Variants in CTNNA3 observed in about 807,000 individuals in gnomAD.
CTNNA3 encodes the protein catenin alpha 3.
Under a neutral mutation model 95.7 loss-of-function variants are expected in CTNNA3, and 76 were observed. The ratio of observed to expected loss-of-function variants is 0.79; its 90% CI spans 0.66 to 0.96. The LOEUF (loss-of-function observed/expected upper bound fraction) is 0.96. Among genes scored for constraint, CTNNA3 ranks in the 40% least tolerant of loss-of-function variants. The pLI, the probability that CTNNA3 is intolerant of heterozygous loss-of-function variation, is 0.00. For synonymous variants in CTNNA3, 431 were observed against 374.4 expected, an observed-to-expected ratio of 1.15 and a Z score of -1.74; for missense variants, 1,191 against 1,089.8, an observed-to-expected ratio of 1.09 and a Z score of -1.31.
intron 12 of CTNNA3, 37 bp downstream of exon 12, chr10:66,379,115 A>T: frequency 6.6e-7 from 1 of 1,506,332 alleles, no homozygotes; most frequent in South Asian, 1.1e-5. Flanking sequence ...GATTCAAATA[A>T]GAGAAATTGT....
chr10:67,073,550 A>G (rs1395707512), intron 7 of CTNNA3, among the ~76,000 whole-genome samples: 1 of 152,158 alleles, frequency 6.6e-6, no homozygotes. Context: ...CCTAGATGCT[A>G]TGATTAAGCC....
intron 13 of CTNNA3, among the ~76,000 whole-genome samples, chr10:66,190,059 A>G (rs1047052981): frequency 6.6e-5 from 10 of 152,186 alleles, no homozygotes; most frequent in Admixed American, 5.2e-4. Context: ...ATGTGAAACT[A>G]CAGAGCCAAG....
chr10:67,046,702 A>G (rs1854770067), intron 7 of CTNNA3, among the ~76,000 whole-genome samples: 1 of 152,214 alleles, frequency 6.6e-6, no homozygotes. Flanking sequence ...GAGAAGATAA[A>G]TGTATTGACT....
intron 7 of CTNNA3, among the ~76,000 whole-genome samples, chr10:67,118,569 C>T (rs1246943030): frequency 2.0e-5 from 3 of 151,900 alleles, no homozygotes; most frequent in Admixed American, 6.6e-5. Flanking sequence ...TTATATCCTC[C>T]CCTTATCCCA....
At chr10:66,506,111 C>T (rs1208492722) in intron 11 of CTNNA3, among the ~76,000 whole-genome samples, 1 of 152,060 alleles carries the variant, frequency 6.6e-6, no homozygotes, top group East Asian at 1.9e-4. Flanking sequence ...GGGTGCCAGG[C>T]TCTTTCAAAT....
intron 13 of CTNNA3, among the ~76,000 whole-genome samples, chr10:66,265,955 C>T (rs1019483677): frequency 2.0e-4 from 30 of 150,438 alleles, no homozygotes; most frequent in African/African-American, 6.6e-4. Flanking sequence ...TTTATTGGCC[C>T]GTAGTACGTA....
intron 5 of CTNNA3, among the ~76,000 whole-genome samples, chr10:67,483,181 AG>A (rs1159985222): frequency 2.6e-5 from 4 of 151,874 alleles, no homozygotes. Context: ...ACTGTAAACT[AG>A]TTCAACCACT....
chr10:67,021,975 G>A (rs1203384877), intron 7 of CTNNA3, among the ~76,000 whole-genome samples: 2 of 152,156 alleles, frequency 1.3e-5, no homozygotes, highest in East Asian at 3.8e-4. Context: ...ATTCATGCCA[G>A]TTAAAGCAAA....
At chr10:67,416,494 G>C (rs192070481) in intron 5 of CTNNA3, among the ~76,000 whole-genome samples, 7 of 151,328 alleles carry the variant, frequency 4.6e-5, no homozygotes, top group Middle Eastern at 3.4e-3. Flanking sequence ...TGTAGTCCCA[G>C]CTACTTGGGA....
Position 65,961,857 on chromosome 10 carries a change from A to C in CTNNA3, c.2400+4755T>G, listed in dbSNP as rs191727480. Reference sequence around the variant, plus strand: ...GTTTCTCTTTATTCTTACTGCCTGGAATATACAAGTCATTGTTAGAGCCGT... The same window carrying C: ...GTTTCTCTTTATTCTTACTGCCTGGCATATACAAGTCATTGTTAGAGCCGT... On this transcript the variant is annotated intron_variant, in intron 17 of 17. Transcript: ENST00000433211. Among the ~76,000 whole-genome samples, 307 of 152,164 alleles carry C rather than the reference A, an allele frequency of 2.0e-3. 2 individuals carry two copies. Among genetic ancestry groups the C allele is most frequent in the Middle Eastern group, 6.8e-3 (2 of 294 alleles).
At chr10:66,311,774 A>G (rs1047371024) in intron 12 of CTNNA3, among the ~76,000 whole-genome samples, 2 of 152,200 alleles carry the variant, frequency 1.3e-5, no homozygotes, top group Admixed American at 6.5e-5. Context: ...GAAAAGGAAT[A>G]TGGGAAAATA....
intron 12 of CTNNA3, among the ~76,000 whole-genome samples, chr10:66,296,955 C>T (rs924426088): frequency 2.6e-5 from 4 of 152,024 alleles, no homozygotes; most frequent in Non-Finnish European, 4.4e-5. Flanking sequence ...AAATCCATGC[C>T]AAAAATAGTA....
chr10:66,755,868 A>G (rs1342663880), intron 9 of CTNNA3, among the ~76,000 whole-genome samples: 1 of 152,094 alleles, frequency 6.6e-6, no homozygotes, highest in Non-Finnish European at 1.5e-5. Context: ...TTAATCCTAA[A>G]CTAATTCAAT....
At chr10:67,683,548 G>T (rs10997778) in intron 1 of CTNNA3, among the ~76,000 whole-genome samples, 25,082 of 152,082 alleles carry the variant, frequency 0.16, 2,311 homozygotes, top group African/African-American at 0.24. Context: ...ACCCCTAGAG[G>T]CCTCATCAAC....
intron 6 of CTNNA3, among the ~76,000 whole-genome samples, chr10:67,201,143 A>G (rs1863624642): frequency 6.6e-6 from 1 of 152,162 alleles, no homozygotes; most frequent in Non-Finnish European, 1.5e-5. Flanking sequence ...GGAAAAAAAT[A>G]TTGTCAGACT....
At chr10:65,957,220 T>A (rs2077749831) in intron 17 of CTNNA3, among the ~76,000 whole-genome samples, 1 of 152,156 alleles carries the variant, frequency 6.6e-6, no homozygotes, top group South Asian at 2.1e-4. Context: ...ACCCCTGCCT[T>A]TTTTTGTTTT....
chr10:67,164,810 T>C (rs1280261725), intron 7 of CTNNA3, among the ~76,000 whole-genome samples: 1 of 152,198 alleles, frequency 6.6e-6, no homozygotes, highest in African/African-American at 2.4e-5. Context: ...CACTGGCTAT[T>C]AGAATGAAGA....
chr10:66,093,504 T>C (rs942496512), intron 14 of CTNNA3, among the ~76,000 whole-genome samples: 3 of 152,052 alleles, frequency 2.0e-5, no homozygotes, highest in African/African-American at 7.2e-5. Flanking sequence ...TAGACCATTC[T>C]GACATGGAAA....
intron 11 of CTNNA3, among the ~76,000 whole-genome samples, chr10:66,495,111 T>G (rs1840057402): frequency 6.6e-6 from 1 of 152,172 alleles, no homozygotes; most frequent in Non-Finnish European, 1.5e-5. Context: ...CAGCCTCTAG[T>G]TAAATGTATC....
Sources: gnomAD v4.1 joint callset for allele counts (sites outside exome capture counted in the v4.1 genomes callset) on GRCh38, gnomAD v4.1.1 for gene constraint, MANE v1.5 for transcripts, NCBI Gene and HGNC (gene_info 2026-07-23, HGNC 2026-07-21) for gene names.